The following UGT2B4 variants were observed in gnomAD, a reference collection of about 807,000 sequenced individuals.
UGT2B4 encodes UDP-glucuronosyltransferase 2B4.
In UGT2B4, 49 loss-of-function variants were observed where a neutral mutation model predicts 49.8. The ratio of observed to expected loss-of-function variants is 0.98; its 90% CI spans 0.78 to 1.25. The LOEUF (loss-of-function observed/expected upper bound fraction) is 1.25, where lower values mean the gene tolerates loss of function less well. Among genes scored for constraint, UGT2B4 ranks in the 50% most tolerant of loss-of-function variants. The pLI, the probability that UGT2B4 is intolerant of heterozygous loss-of-function variation, is 0.00. For missense variants in UGT2B4, 729 were observed against 627.7 expected, an observed-to-expected ratio of 1.16 and a Z score of -1.73; for synonymous variants, 246 against 217.7, an observed-to-expected ratio of 1.13 and a Z score of -1.14.
At position 69,495,316 on chromosome 4, in the gene UGT2B4, CT is replaced by C; in HGVS notation, c.545del (p.Lys182SerfsTer20). 3 of 1,612,876 alleles carry C rather than the reference CT, an allele frequency of 1.9e-6. No homozygotes were observed. The highest frequency in any genetic ancestry group is 1.7e-6 in the Non-Finnish European group (2 of 1,179,558). On this transcript the variant is annotated frameshift_variant, in exon 1 of 6. Transcript: ENST00000305107. LOFTEE classifies it high-confidence loss of function. The stretch of plus-strand genomic sequence containing the variant: ...GAGGGAACAGAAGTCCTCCACTATG[CT>C]TTTCAATTGCGTAGCCAGGAGAGAA... ...LRFSPGYAIEKHSGGLLFPPS... is the reference protein window; with the variant it reads ...LRFSPGYAIEXHSGGLLFPPS...
chr4:69,512,109 T>C (rs1728618616), intron 1 of UGT2B4, among the ~76,000 whole-genome samples: 1 of 152,036 alleles, frequency 6.6e-6, no homozygotes, highest in South Asian at 2.1e-4. Context: ...TTTGTTGATT[T>C]ATTTTCCATT....
At chr4:69,506,654 C>A (rs1433308860) in intron 1 of UGT2B4, among the ~76,000 whole-genome samples, 1 of 151,306 alleles carries the variant, frequency 6.6e-6, no homozygotes, top group Non-Finnish European at 1.5e-5. Context: ...AAAAAGAAGA[C>A]CTGGTATTAT....
intron 3 of UGT2B4, among the ~76,000 whole-genome samples, chr4:69,487,578 A>C (rs1198079786): frequency 2.0e-5 from 3 of 151,980 alleles, no homozygotes; most frequent in Admixed American, 2.0e-4. Context: ...AATAACATAC[A>C]CTGGGGCTTA....
At chr4:69,493,546 A>G in intron 2 of UGT2B4, 147 bp downstream of exon 2, 3 of 917,166 alleles carry the variant, frequency 3.3e-6, no homozygotes, top group Non-Finnish European at 4.6e-6. Context: ...TTGTGATAGT[A>G]TCAACATGTA....
intron 1 of UGT2B4, among the ~76,000 whole-genome samples, chr4:69,520,015 A>C (rs1728812229): frequency 6.6e-6 from 1 of 152,228 alleles, no homozygotes; most frequent in Non-Finnish European, 1.5e-5. Flanking sequence ...AGTAGCTATA[A>C]ATTTTATGTT....
intron 4 of UGT2B4, among the ~76,000 whole-genome samples, chr4:69,486,211 T>C (rs1727776044): frequency 6.6e-6 from 1 of 152,118 alleles, no homozygotes; most frequent in East Asian, 1.9e-4. Flanking sequence ...AGATTAGGGA[T>C]TTAATCCTAC....
intron 2 of UGT2B4, among the ~76,000 whole-genome samples, chr4:69,492,212 A>G (rs1379744437): frequency 2.0e-5 from 3 of 152,052 alleles, no homozygotes; most frequent in Non-Finnish European, 2.9e-5. Context: ...TTGAGACACA[A>G]GCTATCCCAG....
chr4:69,486,690 A>G lies in UGT2B4; in HGVS notation c.1009T>C (p.Trp337Arg), dbSNP rs768410457. 16 of 1,603,612 alleles carry G rather than the reference A, an allele frequency of 1.0e-5. No homozygotes were observed. In the East Asian group the frequency reaches 3.1e-4, roughly 31 times the overall value. The change falls in exon 4 of 6, where the codon TGG becomes CGG. Residue 337 changes from tryptophan to arginine, a missense_variant. By Grantham distance (101) the Trp-to-Arg change is moderately radical. Coordinates refer to ENST00000305107, the MANE Select transcript of UGT2B4 (RefSeq NM_021139.3). ...TCTGGTTTATTCCCATCAAATCTCC[A>G]CAGAACCTGTTACAGTGAAGAAAAT... The part of the protein sequence containing the change: ...ALAKIPQKVL[W>R]RFDGNKPDTL...
intron 1 of UGT2B4, 141 bp downstream of exon 1, chr4:69,495,000 T>C: frequency 1.3e-6 from 1 of 768,228 alleles, no homozygotes. Flanking sequence ...CTTGTGAGTT[T>C]GGTAGATCAT....
intron 5 of UGT2B4, among the ~76,000 whole-genome samples, 181 bp from the exon 6 acceptor site, chr4:69,481,091 GAAAAAAAAAAA>G (rs57494102): frequency 1.5e-5 from 1 of 67,824 alleles, no homozygotes; most frequent in East Asian, 4.7e-4. Context: ...GTAAAAATAT[GAAAAAAAAAAA>G]AAAAAAAAAA....
chr4:69,522,499 GA>G (rs1386491374), intron 1 of UGT2B4, among the ~76,000 whole-genome samples: 1 of 152,192 alleles, frequency 6.6e-6, no homozygotes, highest in African/African-American at 2.4e-5. Context: ...CAGTATTAGA[GA>G]GTCTATTAAG....
chr4:69,495,811 G>C lies in UGT2B4; in HGVS notation c.51C>G (p.Tyr17Ter), dbSNP rs560188134. The change falls in exon 1 of 6, where the codon TAC becomes TAG. Residue 17 changes from tyrosine (Y) to a stop codon, truncating the protein, a stop_gained. Transcript: ENST00000305107. LOFTEE classifies it high-confidence loss of function. Reference sequence around the variant, plus strand: ...CCTTTCCACAACTCCCAGAGCTAAAGTAACAGCTCAGCTGTATCAGCAGAA... The same window carrying C: ...CCTTTCCACAACTCCCAGAGCTAAACTAACAGCTCAGCTGTATCAGCAGAA... ...SALLLIQLSC[Y>*]FSSGSCGKVL... 7 of 1,613,062 alleles carry C rather than the reference G, an allele frequency of 4.3e-6. No homozygotes were observed. The East Asian group carries it at 1.3e-4, about 31-fold the overall frequency.
rs188821016 is a variant in UGT2B4 at position 69,524,381 on chromosome 4, G to A, written c.-106+1306C>T. Among the ~76,000 whole-genome samples, 1,123 of 128,200 alleles carry A rather than the reference G, an allele frequency of 8.8e-3. 8 individuals are homozygous for A. The highest frequency in any genetic ancestry group is 0.043 in the Middle Eastern group (11 of 254). 84.1% of individuals were successfully genotyped at this position (128,200 alleles called of 152,430 possible). The stretch of plus-strand genomic sequence containing the variant: ...TAACTGGTTTAATTTTAACGTTGTC[G>A]TTTCTCAGGAATAGGCCAGAGGAGA... On this transcript the variant is annotated intron_variant, in intron 1 of 1. Coordinates refer to the UGT2B4 transcript ENST00000510114.
At chr4:69,519,321 A>T (rs1009303655) in intron 1 of UGT2B4, among the ~76,000 whole-genome samples, 5 of 152,238 alleles carry the variant, frequency 3.3e-5, no homozygotes, top group African/African-American at 1.2e-4. Context: ...TAAGTATGTC[A>T]TCCAAATGGC....
At chr4:69,509,613 A>G (rs1270083796) in intron 1 of UGT2B4, among the ~76,000 whole-genome samples, 5 of 152,132 alleles carry the variant, frequency 3.3e-5, no homozygotes, top group Non-Finnish European at 7.4e-5. Context: ...ATTTTATCAT[A>G]CAGCTGATTG....
chr4:69,524,237 T>C (rs1324808264), intron 1 of UGT2B4, among the ~76,000 whole-genome samples: 1 of 152,198 alleles, frequency 6.6e-6, no homozygotes, highest in Admixed American at 6.5e-5. Flanking sequence ...GATTTCAGCC[T>C]ATCTCAGCTT....
intron 5 of UGT2B4, among the ~76,000 whole-genome samples, chr4:69,481,130 G>T (rs1010242809): frequency 7.5e-6 from 1 of 133,060 alleles, no homozygotes; most frequent in African/African-American, 2.7e-5. Context: ...TTACCCAGGC[G>T]TGGTGGCATG....
At chr4:69,516,780 G>A (rs1321179838) in intron 1 of UGT2B4, among the ~76,000 whole-genome samples, 2 of 151,792 alleles carry the variant, frequency 1.3e-5, no homozygotes, top group Non-Finnish European at 2.9e-5. Flanking sequence ...GCTAATTTTT[G>A]TATTTTTAGT....
chr4:69,508,810 G>T (rs896318286), intron 1 of UGT2B4, among the ~76,000 whole-genome samples: 4 of 152,108 alleles, frequency 2.6e-5, no homozygotes, highest in Admixed American at 6.5e-5. Context: ...CATGACATAA[G>T]TTTACCTATA....
Sources: allele counts gnomAD v4.1 joint callset (sites outside exome capture counted in the v4.1 genomes callset), GRCh38; gene constraint gnomAD v4.1.1; transcripts MANE v1.5; gene names NCBI Gene and HGNC (gene_info 2026-07-23, HGNC 2026-07-21).